The following IL1RAPL2 variants were observed in gnomAD, a reference collection of about 807,000 sequenced individuals.
IL1RAPL2 encodes the protein X-linked interleukin-1 receptor accessory protein-like 2.
In IL1RAPL2, 3 loss-of-function variants were observed where a neutral mutation model predicts 44.1. That is an observed-to-expected ratio of 0.07 (90% CI 0.03 to 0.18). The LOEUF is 0.18. IL1RAPL2 is among the 10% of genes least tolerant of loss of function. The pLI, the probability that IL1RAPL2 is intolerant of heterozygous loss-of-function variation, is 1.00. For missense variants in IL1RAPL2, 391 were observed against 496.4 expected (o/e 0.79, Z 2.02); for synonymous variants, 181 against 178.8 (o/e 1.01, Z -0.10).
intron 2 of IL1RAPL2, among the ~76,000 whole-genome samples, chrX:105,092,591 A>G (rs2032556926): frequency 9.0e-6 from 1 of 111,312 alleles, no homozygotes; most frequent in East Asian, 2.8e-4. Context: ...AGTTGATCTC[A>G]GTTTCTGGGT....
intron 2 of IL1RAPL2, among the ~76,000 whole-genome samples, chrX:105,161,002 G>T (rs778745045): frequency 4.5e-5 from 5 of 111,413 alleles, no homozygotes; most frequent in East Asian, 5.7e-4. Flanking sequence ...CACTTTGGAA[G>T]GCCAAGGTGG....
chrX:104,842,549 C>T (rs1224358881), intron 2 of IL1RAPL2, among the ~76,000 whole-genome samples: 2 of 112,124 alleles, frequency 1.8e-5, no homozygotes, highest in Non-Finnish European at 3.8e-5. Context: ...GATCTTGAGG[C>T]TGATGACCTT....
chrX:104,585,265 A>ATATTAT (rs1491551706), intron 1 of IL1RAPL2, among the ~76,000 whole-genome samples: 7 of 24,499 alleles, frequency 2.9e-4, no homozygotes, highest in South Asian at 1.6e-3. Context: ...ATATATATAT[A>ATATTAT]ATATATTATA....
intron 4 of IL1RAPL2, among the ~76,000 whole-genome samples, chrX:105,252,698 C>G (rs1167978275): frequency 9.0e-6 from 1 of 111,701 alleles, no homozygotes; most frequent in African/African-American, 3.3e-5. Context: ...TTAGTGAACT[C>G]TAATGATTCT....
At chrX:105,456,053 T>C (rs1160675288) in intron 5 of IL1RAPL2, among the ~76,000 whole-genome samples, 1 of 112,086 alleles carries the variant, frequency 8.9e-6, no homozygotes, top group Non-Finnish European at 1.9e-5. Context: ...GTTAGCTGTA[T>C]TCCTAGGTAT....
intron 2 of IL1RAPL2, among the ~76,000 whole-genome samples, chrX:104,915,168 T>A (rs1485020991): frequency 9.0e-6 from 1 of 111,452 alleles, no homozygotes; most frequent in Non-Finnish European, 1.9e-5. Flanking sequence ...TTGAACTAGT[T>A]TACAGTCCCA....
chrX:104,852,861 T>G (rs1020654066), intron 2 of IL1RAPL2, among the ~76,000 whole-genome samples: 2 of 111,744 alleles, frequency 1.8e-5, no homozygotes, highest in Non-Finnish European at 3.8e-5. Context: ...TCCTGACTTA[T>G]GAAGGTGAGG....
intron 4 of IL1RAPL2, among the ~76,000 whole-genome samples, chrX:105,256,763 GT>G (rs1289507398): frequency 2.7e-5 from 3 of 111,588 alleles, no homozygotes; most frequent in African/African-American, 9.8e-5. Flanking sequence ...ACATATAGGT[GT>G]TTCTAGTAGT....
intron 2 of IL1RAPL2, among the ~76,000 whole-genome samples, chrX:105,095,357 T>C (rs892316338): frequency 1.8e-5 from 2 of 111,823 alleles, no homozygotes; most frequent in African/African-American, 6.5e-5. Context: ...TCTTAGTTTG[T>C]TGAGTGCTTT....
chrX:105,478,668 C>T (rs1434226129), intron 5 of IL1RAPL2, among the ~76,000 whole-genome samples: 1 of 111,645 alleles, frequency 9.0e-6, no homozygotes, highest in African/African-American at 3.3e-5. Context: ...TGTTATTAAA[C>T]CTAGTTCCCC....
intron 6 of IL1RAPL2, among the ~76,000 whole-genome samples, chrX:105,527,454 G>A (rs962007624): frequency 9.2e-6 from 1 of 108,526 alleles, no homozygotes; most frequent in African/African-American, 3.4e-5. Flanking sequence ...GTGTGTGTGT[G>A]TGTGTGTGTG....
intron 1 of IL1RAPL2, among the ~76,000 whole-genome samples, chrX:104,638,061 C>T (rs1929861208): frequency 9.0e-6 from 1 of 111,034 alleles, no homozygotes; most frequent in South Asian, 3.8e-4. Flanking sequence ...GGTCTATTCT[C>T]ATTTTCTGTT....
intron 5 of IL1RAPL2, among the ~76,000 whole-genome samples, chrX:105,408,043 G>A (rs1428303320): frequency 8.9e-6 from 1 of 111,856 alleles, no homozygotes; most frequent in African/African-American, 3.2e-5. Context: ...GCTTATATGA[G>A]TGAATATGGT....
chrX:104,600,972 G>A (rs186574117), intron 1 of IL1RAPL2, among the ~76,000 whole-genome samples: 22 of 111,616 alleles, frequency 2.0e-4, no homozygotes, highest in Admixed American at 1.9e-3. Flanking sequence ...GTGCTGCAAT[G>A]AACATGTGAA....
intron 2 of IL1RAPL2, among the ~76,000 whole-genome samples, chrX:105,046,836 T>TTTTTGG (rs1556036881): frequency 1.0e-5 from 1 of 99,390 alleles, no homozygotes; most frequent in African/African-American, 3.8e-5. Context: ...TTTTTTTTTT[T>TTTTTGG]GGGGGGGTGC....
chrX:105,034,782 A>G (rs1167026756), intron 2 of IL1RAPL2, among the ~76,000 whole-genome samples: 1 of 111,643 alleles, frequency 9.0e-6, no homozygotes, highest in African/African-American at 3.3e-5. Flanking sequence ...AGACAGGGAC[A>G]TTTAAGTCTG....
rs753190331 is a variant in IL1RAPL2, at chrX:105,724,908, G to A, written c.902+7412G>A. ...GAGTACCCGCACAATGTCCTTTGGG[G>A]ATAATGATTCTAGGAAGGCCACCTC... On this transcript the variant is annotated intron_variant, in intron 7 of 10. Coordinates refer to ENST00000372582, the MANE Select transcript of IL1RAPL2 (RefSeq NM_017416.2). Among the ~76,000 whole-genome samples the A allele has an allele frequency of 5.4e-5, 6 of 111,329 alleles. No homozygotes were observed. The East Asian group carries it at 1.7e-3, about 32-fold the overall frequency.
At chrX:104,570,596 C>T (rs950879774) in intron 1 of IL1RAPL2, among the ~76,000 whole-genome samples, 8 of 111,985 alleles carry the variant, frequency 7.1e-5, no homozygotes, top group Non-Finnish European at 1.5e-4. Flanking sequence ...CCAAAGCTAC[C>T]GCTATTTGGG....
At chrX:105,631,953 C>T (rs769968020) in intron 6 of IL1RAPL2, among the ~76,000 whole-genome samples, 47 of 110,949 alleles carry the variant, frequency 4.2e-4, no homozygotes, top group Non-Finnish European at 8.1e-4. Context: ...CTCATTAGTG[C>T]TCCCTCACCC....
Sources: gnomAD v4.1 joint callset for allele counts (sites outside exome capture counted in the v4.1 genomes callset) on GRCh38, gnomAD v4.1.1 for gene constraint, MANE v1.5 for transcripts, NCBI Gene and HGNC (gene_info 2026-07-23, HGNC 2026-07-21) for gene names.